TNKS: variants seen among roughly 807,000 people sequenced by gnomAD.
TNKS encodes the protein tankyrase, also known as poly [ADP-ribose] polymerase tankyrase-1.
Under a neutral mutation model 135.8 loss-of-function variants are expected in TNKS, and 72 were observed. The observed-to-expected ratio is 0.53, with a 90% CI of 0.44 to 0.64. The LOEUF (loss-of-function observed/expected upper bound fraction) is 0.64. Ranked by LOEUF, TNKS falls within the 30% of genes least tolerant of loss-of-function variation. The pLI is 0.00. For synonymous variants in TNKS, 849 were observed against 649.3 expected, an observed-to-expected ratio of 1.31 and a Z score of -4.68; for missense variants, 1,769 against 1,674.0, an observed-to-expected ratio of 1.06 and a Z score of -0.99.
chr8:9,765,646 A>C, intron 23 of TNKS, 46 bp from the exon 24 acceptor site: 1 of 1,481,944 alleles, frequency 6.7e-7, no homozygotes, highest in Non-Finnish European at 9.4e-7. Flanking sequence ...TTAAATCATA[A>C]ATGCACGTTT....
chr8:9,648,094 A>C lies in TNKS; in HGVS notation c.995-31857A>C, dbSNP rs77335800. Reference sequence around the variant, plus strand: ...CCATAAATGGAGCTTGCGGGACTGGAAGTTGACTCACTGGGTGAGTCCGTG... The same window carrying C: ...CCATAAATGGAGCTTGCGGGACTGGCAGTTGACTCACTGGGTGAGTCCGTG... On this transcript the variant is annotated intron_variant, in intron 3 of 26. Transcript: ENST00000310430. Among the ~76,000 whole-genome samples, 1,247 of 152,284 alleles carry C rather than the reference A, an allele frequency of 8.2e-3. 16 individuals carry two copies. Among genetic ancestry groups the C allele is most frequent in the African/African-American group, 0.028 (1,166 of 41,552 alleles).
intron 17 of TNKS, 71 bp from the exon 18 acceptor site, chr8:9,747,953 C>T: frequency 1.5e-6 from 2 of 1,357,148 alleles, no homozygotes. Context: ...TAAATAAAAA[C>T]AGGTATACAC....
At chr8:9,680,688 G>T in intron 4 of TNKS, 37 bp from the exon 5 acceptor site, 1 of 1,449,220 alleles carries the variant, frequency 6.9e-7, no homozygotes, top group Non-Finnish European at 9.6e-7. Context: ...AAGAAGCTTT[G>T]TAATTTTAGA....
At position 9,780,731 on chromosome 8, in the gene TNKS, T is replaced by C. The variant is rs1466455592; in HGVS notation, c.*3995T>C. ...CCCATTTCTTAGTGTTTGAAAGGTG[T>C]GTCAGTGAGTCGGCCATGTCTCCAT... On this transcript the variant is annotated 3_prime_UTR_variant, in exon 27 of 27. Transcript: ENST00000310430. The C allele has an allele frequency of 6.6e-6, 1 of 152,218 alleles. No homozygotes were observed. The highest frequency in any genetic ancestry group is 1.5e-5 in the Non-Finnish European group (1 of 68,034). The allele number at this position is 152,218 out of a possible 1,614,324, so 9.4% of individuals were successfully genotyped here. A position where few individuals can be genotyped will look rare whatever the true frequency, so the allele number is the denominator to read the frequency against.
At chr8:9,720,883 A>G (rs7465249) in intron 12 of TNKS, among the ~76,000 whole-genome samples, 106,467 of 152,028 alleles carry the variant, frequency 0.7, 37,825 homozygotes, top group Admixed American at 0.8. Flanking sequence ...TCATATGGTA[A>G]TGACATTTAA....
At chr8:9,608,200 C>G (rs1160719023) in intron 2 of TNKS, among the ~76,000 whole-genome samples, 1 of 152,156 alleles carries the variant, frequency 6.6e-6, no homozygotes, top group Non-Finnish European at 1.5e-5. Flanking sequence ...CTCAGCCTCC[C>G]AAAGTGCTGG....
chr8:9,587,781 T>A (rs780073099), intron 2 of TNKS, among the ~76,000 whole-genome samples: 1 of 152,252 alleles, frequency 6.6e-6, no homozygotes, highest in African/African-American at 2.4e-5. Flanking sequence ...TTGTTGTTGT[T>A]ATTGTTTTAA....
intron 3 of TNKS, among the ~76,000 whole-genome samples, chr8:9,676,592 C>G (rs1301053236): frequency 6.6e-6 from 1 of 151,958 alleles, no homozygotes; most frequent in Non-Finnish European, 1.5e-5. Flanking sequence ...TTTCTGACTA[C>G]TCCAGAAAAA....
chr8:9,620,274 G>T (rs1024761598), intron 3 of TNKS, among the ~76,000 whole-genome samples: 2 of 151,952 alleles, frequency 1.3e-5, no homozygotes, highest in African/African-American at 4.8e-5. Context: ...CTCACACTTT[G>T]TATCCAACCT....
chr8:9,769,015 C>T (rs1237054949), intron 25 of TNKS, among the ~76,000 whole-genome samples: 1 of 152,216 alleles, frequency 6.6e-6, no homozygotes, highest in East Asian at 1.9e-4. Context: ...TTACATTTAA[C>T]AGTGTGATCA....
intron 3 of TNKS, among the ~76,000 whole-genome samples, chr8:9,653,842 C>G (rs968833622): frequency 2.6e-5 from 4 of 152,156 alleles, no homozygotes; most frequent in African/African-American, 9.7e-5. Flanking sequence ...CTTTCCCTTT[C>G]TGATCTTTCT....
At chr8:9,666,417 A>G (rs552783175) in intron 3 of TNKS, among the ~76,000 whole-genome samples, 2 of 152,360 alleles carry the variant, frequency 1.3e-5, no homozygotes, top group East Asian at 1.9e-4. Context: ...GAAATAAATT[A>G]CGTATTAAAA....
chr8:9,756,956 T>C (rs1049218632), intron 20 of TNKS, among the ~76,000 whole-genome samples: 18 of 151,720 alleles, frequency 1.2e-4, no homozygotes, highest in African/African-American at 3.6e-4. Context: ...TGGTATACTT[T>C]TTTTGTTTTT....
chr8:9,758,017 T>C (rs906954419), intron 20 of TNKS, among the ~76,000 whole-genome samples: 2 of 152,198 alleles, frequency 1.3e-5, no homozygotes, highest in African/African-American at 4.8e-5. Flanking sequence ...TAGTCATCCT[T>C]TTAAAGAATA....
chr8:9,582,891 G>A (rs1798220561), intron 2 of TNKS, among the ~76,000 whole-genome samples: 2 of 152,102 alleles, frequency 1.3e-5, no homozygotes, highest in South Asian at 4.1e-4. Flanking sequence ...TTAGGGGCAG[G>A]CGCGGTGGCT....
intron 2 of TNKS, among the ~76,000 whole-genome samples, chr8:9,598,194 T>A (rs1014313387): frequency 6.6e-6 from 1 of 152,098 alleles, no homozygotes; most frequent in African/African-American, 2.4e-5. Flanking sequence ...TACAGGTGCC[T>A]GCCACCATGC....
intron 2 of TNKS, among the ~76,000 whole-genome samples, chr8:9,608,531 G>A (rs1278495832): frequency 6.6e-6 from 1 of 151,848 alleles, no homozygotes; most frequent in Non-Finnish European, 1.5e-5. Context: ...TACTCACTTT[G>A]TTGTGCTCTC....
At chr8:9,569,088 TG>T (rs60179706) in intron 1 of TNKS, among the ~76,000 whole-genome samples, 5,968 of 152,298 alleles carry the variant, frequency 0.039, 288 homozygotes, top group African/African-American at 0.12. Flanking sequence ...ATTTTAGAAT[TG>T]GGAAACTGTT....
intron 26 of TNKS, among the ~76,000 whole-genome samples, chr8:9,772,663 C>T (rs1807980718): frequency 6.6e-6 from 1 of 151,890 alleles, no homozygotes; most frequent in Non-Finnish European, 1.5e-5. Flanking sequence ...AGGATTGTAT[C>T]AATGTAAAAT....
Sources: gnomAD v4.1 joint callset for allele counts (sites outside exome capture counted in the v4.1 genomes callset) on GRCh38, gnomAD v4.1.1 for gene constraint, MANE v1.5 for transcripts, NCBI Gene and HGNC (gene_info 2026-07-23, HGNC 2026-07-21) for gene names.